MED1: variants seen among roughly 807,000 people sequenced by gnomAD.
MED1 encodes mediator complex subunit 1.
A neutral mutation model predicts 121.3 loss-of-function variants in MED1; 17 were observed. The observed-to-expected ratio is 0.14, with a 90% CI of 0.10 to 0.21. The LOEUF is 0.21. Among genes scored for constraint, MED1 ranks in the 10% least tolerant of loss-of-function variants. The probability of loss-of-function intolerance (pLI) is 1.00; values close to 1 mark genes in which losing one functional copy is unlikely to be tolerated. For missense variants in MED1, 1,558 were observed against 1,919.4 expected (o/e 0.81, Z 3.52); for synonymous variants, 661 against 694.4 (o/e 0.95, Z 0.76).
In MED1 at chr17:39,405,576, GAT is replaced by G; in HGVS notation, c.*1897_*1898del. The G allele has an allele frequency of 7.8e-7, 1 of 1,277,840 alleles. No individual in the cohort carries two copies. The highest frequency in any genetic ancestry group is 9.9e-7 in the Non-Finnish European group (1 of 1,008,048). The allele number at this position is 1,277,840 out of a possible 1,614,324, so 79.2% of individuals were successfully genotyped here. A position where few individuals can be genotyped will look rare whatever the true frequency, so the allele number is the denominator to read the frequency against. On this transcript the variant is annotated 3_prime_UTR_variant, in exon 17 of 17. Transcript: ENST00000300651. ...GGCTGCTACTGTATCAACATCACAA[GAT>G]AAAGCACTCTGGTATCACCTGCCCA...
intron 6 of MED1, among the ~76,000 whole-genome samples, chr17:39,438,333 G>A (rs1159844481): frequency 4.3e-5 from 6 of 139,828 alleles, no homozygotes; most frequent in Non-Finnish European, 6.1e-5. Flanking sequence ...ACCATGCCTG[G>A]CTAATTTTTT....
At chr17:39,416,373 G>T (rs2048409383) in intron 14 of MED1, among the ~76,000 whole-genome samples, 1 of 152,140 alleles carries the variant, frequency 6.6e-6, no homozygotes, top group Non-Finnish European at 1.5e-5. Flanking sequence ...GGCAAGCAGA[G>T]ATATAGAGGC....
At position 39,443,675 on chromosome 17, in the gene MED1, C is replaced by T. The variant is rs773311487; in HGVS notation, c.133-47G>A. 24 of 1,487,884 alleles carry T rather than the reference C, an allele frequency of 1.6e-5. No individual in the cohort carries two copies. The South Asian group carries it at 2.5e-4, about 15-fold the overall frequency. The allele number at this position is 1,487,884 out of a possible 1,614,324, so 92.2% of individuals were successfully genotyped here. ...TTGAGGTGAAAATTAACCAGGCCAA[C>T]AGTGTTTTAGGTAAACATACACATT... On this transcript the variant is annotated intron_variant, in intron 2 of 16. Coordinates refer to ENST00000300651, the MANE Select transcript of MED1 (RefSeq NM_004774.4).
intron 14 of MED1, among the ~76,000 whole-genome samples, chr17:39,418,934 T>A (rs2048435573): frequency 6.6e-6 from 1 of 151,962 alleles, no homozygotes; most frequent in South Asian, 2.1e-4. Context: ...ACTACAGGTG[T>A]ATACCACCAC....
Position 39,408,551 on chromosome 17 carries a change from G to A in MED1, c.3670C>T (p.Pro1224Ser), listed in dbSNP as rs767115838. The A allele has an allele frequency of 6.2e-7, 1 of 1,614,194 alleles. No homozygotes were observed. Among genetic ancestry groups the A allele is most frequent in the South Asian group, 1.1e-5 (1 of 91,080 alleles). Reference sequence around the variant, plus strand: ...GAACCACCAGAACCTGAACTGATAGGGGACTTGGCTTTAGAGGATGGAGGA... The same window carrying A: ...GAACCACCAGAACCTGAACTGATAGAGGACTTGGCTTTAGAGGATGGAGGA... ...GTPPSSKAKS[P>S]ISSGSGGSHM... The change falls in exon 17 of 17, where the codon CCT (proline) becomes TCT (serine). Residue 1224 changes from proline (P) to serine (S), a missense_variant. Physicochemically the swap from Pro to Ser is moderately conservative, Grantham distance 74. Transcript: ENST00000300651. The surrounding 1 kb of genome is among the most constrained non-coding windows in gnomAD (Gnocchi z 4.7).
In MED1 at chr17:39,405,567, AC is replaced by A. The variant is rs2048296712; in HGVS notation, c.*1907del. The A allele has an allele frequency of 7.6e-7, 1 of 1,314,236 alleles. No individual in the cohort carries two copies. The highest frequency in any genetic ancestry group is 9.7e-7 in the Non-Finnish European group (1 of 1,029,266). The allele number at this position is 1,314,236 out of a possible 1,614,324, so 81.4% of individuals were successfully genotyped here. ...TGTCTGAGAGGCTGCTACTGTATCA[AC>A]ATCACAAGATAAAGCACTCTGGTAT... On this transcript the variant is annotated 3_prime_UTR_variant, in exon 17 of 17. Transcript: ENST00000300651.
At position 39,406,076 on chromosome 17, in the gene MED1, C is replaced by T. The variant is rs2048300988; in HGVS notation, c.*1399G>A. ...CCAAATACTGAGAACTTCTGTTGCACTCGAAACAGTCTCCTGGATTTCTAT... is the reference window on the plus strand; with the variant it reads ...CCAAATACTGAGAACTTCTGTTGCATTCGAAACAGTCTCCTGGATTTCTAT... On this transcript the variant is annotated 3_prime_UTR_variant, in exon 17 of 17. Coordinates refer to ENST00000300651, the MANE Select transcript of MED1 (RefSeq NM_004774.4). 1.0e-6 allele frequency: 1 copy of T among 985,528 alleles called. No individual in the cohort carries two copies. 61.0% of individuals were successfully genotyped at this position (985,528 alleles called of 1,614,324 possible). A position where few individuals can be genotyped will look rare whatever the true frequency, so the allele number is the denominator to read the frequency against.
chr17:39,420,170 G>A (rs1202069368), intron 13 of MED1, among the ~76,000 whole-genome samples: 1 of 151,464 alleles, frequency 6.6e-6, no homozygotes, highest in Non-Finnish European at 1.5e-5. Flanking sequence ...GTATTAAAGA[G>A]GTTCCTAAAC....
chr17:39,431,488 A>G lies in MED1; in HGVS notation c.576-300T>C, dbSNP rs1264036083. Among the ~76,000 whole-genome samples the G allele has an allele frequency of 2.6e-5, 4 of 152,222 alleles. No individual in the cohort carries two copies. The East Asian group carries it at 7.7e-4, about 29-fold the overall frequency. On this transcript the variant is annotated intron_variant, in intron 8 of 16. Transcript: ENST00000300651. ...GAGACGGGGTTTCACCATATTGGGC[A>G]GGCTGGTCTCGAACTCGTGACCTCA...
At chr17:39,417,080 C>T (rs1306230362) in intron 14 of MED1, among the ~76,000 whole-genome samples, 2 of 152,114 alleles carry the variant, frequency 1.3e-5, no homozygotes, top group African/African-American at 2.4e-5. Flanking sequence ...CATGTAATCC[C>T]AGCACTTTGG....
In MED1 at chr17:39,417,521, C is replaced by T. The variant is rs181076261; in HGVS notation, c.1298-2182G>A. ...GCGGGTGCCTGTAGTCCCAGCTACT[C>T]GGGAGGCTGAGGCAGGAGAATGACG... On this transcript the variant is annotated intron_variant, in intron 14 of 16. Coordinates refer to ENST00000300651, the MANE Select transcript of MED1 (RefSeq NM_004774.4). Among the ~76,000 whole-genome samples the T allele has an allele frequency of 6.0e-3, 903 of 149,354 alleles. 3 individuals are homozygous for T. Among genetic ancestry groups the T allele is most frequent in the Admixed American group, 0.01 (156 of 14,936 alleles).
chr17:39,414,338 A>AT (rs751757759), intron 16 of MED1, among the ~76,000 whole-genome samples: 319 of 142,300 alleles, frequency 2.2e-3, no homozygotes, highest in South Asian at 4.2e-3. Context: ...TGAAAACAAC[A>AT]TTTTTTTTTT....
At chr17:39,427,849 A>C in intron 9 of MED1, 59 bp from the exon 10 acceptor site, 1 of 1,047,348 alleles carries the variant, frequency 9.5e-7, no homozygotes, top group Non-Finnish European at 1.4e-6. Flanking sequence ...ACACAGAAAA[A>C]CATTAACATT....
At chr17:39,430,794 G>A (rs1425204518) in intron 9 of MED1, among the ~76,000 whole-genome samples, 2 of 151,980 alleles carry the variant, frequency 1.3e-5, no homozygotes, top group Non-Finnish European at 1.5e-5. Flanking sequence ...AAGGTAGGCC[G>A]ATCAGTCGAG....
At chr17:39,445,908 A>C (rs533736395) in intron 2 of MED1, among the ~76,000 whole-genome samples, 2 of 151,810 alleles carry the variant, frequency 1.3e-5, no homozygotes, top group African/African-American at 4.8e-5. Flanking sequence ...GGATGCCTGT[A>C]ATACCAGCTA....
chr17:39,410,110 G>A lies in MED1; in HGVS notation c.2111C>T (p.Thr704Ile), dbSNP rs1161767851. The change falls in exon 17 of 17, where the codon ACT becomes ATT. Residue 704 changes from threonine (T) to isoleucine (I), a missense_variant. This residue lies in a region of MED1 where 793 missense variants were observed against 898.2 expected (regional missense o/e 0.88). Coordinates refer to ENST00000300651, the MANE Select transcript of MED1 (RefSeq NM_004774.4). The stretch of plus-strand genomic sequence containing the variant: ...TAGCTCCCTCTGAAAGTCATCTTCA[G>A]TCTGGTGCTTTGGTTTCTCAGGTGG... Reference protein sequence around the residue: ...RLPPEKPKHQTEDDFQRELFS... With the variant: ...RLPPEKPKHQIEDDFQRELFS... The A allele has an allele frequency of 4.3e-6, 7 of 1,614,032 alleles. No individual in the cohort carries two copies. The South Asian group carries it at 5.5e-5, about 13-fold the overall frequency.
At chr17:39,439,316 T>C in intron 5 of MED1, 123 bp from the exon 6 acceptor site, 2 of 656,666 alleles carry the variant, frequency 3.0e-6, no homozygotes, top group Non-Finnish European at 4.9e-6. Flanking sequence ...CTACAGATGG[T>C]CCTCATATTA....
At position 39,410,173 on chromosome 17, in the gene MED1, C is replaced by T; in HGVS notation, c.2048G>A (p.Gly683Glu). Reference sequence around the variant, plus strand: ...CTTCTTTTTCTTGGTCTTGTTGCTCCCCGAGCATATTTCCATGCGGGGTGA... The same window carrying T: ...CTTCTTTTTCTTGGTCTTGTTGCTCTCCGAGCATATTTCCATGCGGGGTGA... ...SGSPRMEICSGSNKTKKKKSS... is the reference protein window; with the variant it reads ...SGSPRMEICSESNKTKKKKSS... Residue 683 changes from glycine (G) to glutamate (E), a missense_variant, in exon 17 of 17, where the codon GGG becomes GAG. This residue lies in a region of MED1 where 793 missense variants were observed against 898.2 expected (regional missense o/e 0.88). Coordinates refer to ENST00000300651, the MANE Select transcript of MED1 (RefSeq NM_004774.4). 6.2e-7 allele frequency: 1 copy of T among 1,614,022 alleles called. No homozygotes were observed. Among genetic ancestry groups the T allele is most frequent in the Non-Finnish European group, 8.5e-7 (1 of 1,180,010 alleles).
intron 16 of MED1, among the ~76,000 whole-genome samples, chr17:39,413,522 A>G (rs555923090): frequency 1.3e-5 from 2 of 152,088 alleles, no homozygotes; most frequent in African/African-American, 2.4e-5. Context: ...TTGGCCTCCC[A>G]AAGTGCTGGA....
Sources: allele counts gnomAD v4.1 joint callset (sites outside exome capture counted in the v4.1 genomes callset), GRCh38; gene constraint gnomAD v4.1.1; regional missense constraint gnomAD v4.1.1; non-coding constraint Gnocchi (gnomAD v3.1); transcripts MANE v1.5; gene names NCBI Gene and HGNC (gene_info 2026-07-23, HGNC 2026-07-21).